Variants in ARHGAP15 observed in about 807,000 individuals in gnomAD.
ARHGAP15 encodes the protein Rho GTPase activating protein 15.
In ARHGAP15, 51 loss-of-function variants were observed where a neutral mutation model predicts 63.7. The observed-to-expected ratio is 0.80, with a 90% CI of 0.64 to 1.01. The LOEUF is 1.01. ARHGAP15 is among the 50% of genes least tolerant of loss of function. ARHGAP15 has a pLI of 0.00. For missense variants in ARHGAP15, 560 were observed against 564.6 expected (o/e 0.99, Z 0.08); for synonymous variants, 191 against 193.8 (o/e 0.99, Z 0.12).
intron 12 of ARHGAP15, among the ~76,000 whole-genome samples, chr2:143,629,260 T>C (rs554530580): frequency 6.6e-5 from 10 of 152,012 alleles, no homozygotes; most frequent in African/African-American, 2.2e-4. Context: ...ATAATACTCA[T>C]TGGGGTAACA....
At chr2:143,730,670 T>A (rs1685486834) in intron 13 of ARHGAP15, among the ~76,000 whole-genome samples, 1 of 152,058 alleles carries the variant, frequency 6.6e-6, no homozygotes. Flanking sequence ...CATGACTTGG[T>A]TCAAGGGGCT....
At chr2:143,166,005 G>GAAAGAAAGAAAGAAA (rs1553442885) in intron 2 of ARHGAP15, among the ~76,000 whole-genome samples, 6 of 39,178 alleles carry the variant, frequency 1.5e-4, no homozygotes, top group Non-Finnish European at 2.9e-4. Flanking sequence ...AAAGAAAGAA[G>GAAAGAAAGAAAGAAA]GAAGGAAGGA....
chr2:143,407,990 T>TAC, intron 6 of ARHGAP15, among the ~76,000 whole-genome samples: 1 of 28,128 alleles, frequency 3.6e-5, no homozygotes, highest in Non-Finnish European at 6.5e-5. Flanking sequence ...TGTGTGTGTA[T>TAC]ATATATATAT....
intron 6 of ARHGAP15, among the ~76,000 whole-genome samples, chr2:143,409,965 C>T (rs139489436): frequency 0.011 from 1,677 of 152,178 alleles, 14 homozygotes; most frequent in Middle Eastern, 0.031. Flanking sequence ...AGCACCCTTT[C>T]TTCCCCTATT....
chr2:143,673,503 G>A (rs939397796), intron 12 of ARHGAP15, among the ~76,000 whole-genome samples: 5 of 151,250 alleles, frequency 3.3e-5, no homozygotes, highest in Admixed American at 2.0e-4. Flanking sequence ...TCATCATGTT[G>A]GCCAGGCTGG....
intron 2 of ARHGAP15, among the ~76,000 whole-genome samples, chr2:143,183,871 G>T (rs774794857): frequency 9.2e-5 from 14 of 152,110 alleles, no homozygotes; most frequent in Non-Finnish European, 1.9e-4. Flanking sequence ...GATCAAGTTG[G>T]CATGTCAGGG....
intron 6 of ARHGAP15, among the ~76,000 whole-genome samples, chr2:143,306,882 C>T (rs1044041849): frequency 2.6e-5 from 4 of 152,080 alleles, no homozygotes; most frequent in African/African-American, 7.2e-5. Context: ...AAACAACACA[C>T]ATTTATAATT....
intron 5 of ARHGAP15, among the ~76,000 whole-genome samples, chr2:143,239,430 A>G (rs1693773727): frequency 6.6e-6 from 1 of 152,140 alleles, no homozygotes; most frequent in Non-Finnish European, 1.5e-5. Context: ...GTACTCTTTG[A>G]GCAACATCTC....
At chr2:143,330,667 T>C (rs915415370) in intron 6 of ARHGAP15, among the ~76,000 whole-genome samples, 2 of 152,212 alleles carry the variant, frequency 1.3e-5, no homozygotes, top group Non-Finnish European at 2.9e-5. Flanking sequence ...GGAATTATGA[T>C]TTCTAATTCA....
intron 6 of ARHGAP15, among the ~76,000 whole-genome samples, chr2:143,365,433 T>A (rs1296256312): frequency 6.6e-6 from 1 of 152,222 alleles, no homozygotes; most frequent in Non-Finnish European, 1.5e-5. Flanking sequence ...TGCTGCTAAC[T>A]TTCTGGTGGA....
chr2:143,640,532 G>A (rs1170969835), intron 12 of ARHGAP15, among the ~76,000 whole-genome samples: 1 of 151,960 alleles, frequency 6.6e-6, no homozygotes, highest in Non-Finnish European at 1.5e-5. Flanking sequence ...TCATCTCAGT[G>A]GCTTAAAAGT....
chr2:143,642,124 G>T (rs1041098841), intron 12 of ARHGAP15, among the ~76,000 whole-genome samples: 1 of 152,030 alleles, frequency 6.6e-6, no homozygotes, highest in African/African-American at 2.4e-5. Context: ...AAATATGTTT[G>T]TAAATATTTA....
intron 9 of ARHGAP15, among the ~76,000 whole-genome samples, chr2:143,501,667 G>A (rs1018112381): frequency 1.3e-5 from 2 of 152,132 alleles, no homozygotes; most frequent in African/African-American, 2.4e-5. Context: ...TTTGTAGTAC[G>A]AGTAAATAAT....
chr2:143,592,024 G>C (rs1697341956), intron 11 of ARHGAP15, among the ~76,000 whole-genome samples: 1 of 152,044 alleles, frequency 6.6e-6, no homozygotes, highest in Non-Finnish European at 1.5e-5. Flanking sequence ...CCATATCTCT[G>C]TTTCAAATAT....
chr2:143,179,515 A>G (rs1691140851), intron 2 of ARHGAP15, among the ~76,000 whole-genome samples: 1 of 152,214 alleles, frequency 6.6e-6, no homozygotes, highest in Admixed American at 6.5e-5. Flanking sequence ...TCATACAAAA[A>G]TTTTGATTTC....
intron 8 of ARHGAP15, among the ~76,000 whole-genome samples, chr2:143,479,937 G>C (rs1401852867): frequency 6.6e-6 from 1 of 152,020 alleles, no homozygotes; most frequent in East Asian, 1.9e-4. Flanking sequence ...ATAGTGGAAG[G>C]GAAATTAAAC....
At chr2:143,261,944 A>G (rs935318359) in intron 6 of ARHGAP15, among the ~76,000 whole-genome samples, 1 of 152,128 alleles carries the variant, frequency 6.6e-6, no homozygotes. Context: ...TTAGCTCCTG[A>G]GCCTTTGGTT....
chr2:143,680,781 A>G (rs1219932726), intron 12 of ARHGAP15, among the ~76,000 whole-genome samples: 1 of 152,206 alleles, frequency 6.6e-6, no homozygotes, highest in Non-Finnish European at 1.5e-5. Flanking sequence ...GTCAGTATAT[A>G]TTTACATAAA....
chr2:143,298,060 C>T (rs1371547429), intron 6 of ARHGAP15, among the ~76,000 whole-genome samples: 1 of 151,982 alleles, frequency 6.6e-6, no homozygotes, highest in Non-Finnish European at 1.5e-5. Context: ...ATATCATTCT[C>T]TCCAGTGGGA....
Sources: gnomAD v4.1 joint callset for allele counts (sites outside exome capture counted in the v4.1 genomes callset) on GRCh38, gnomAD v4.1.1 for gene constraint, MANE v1.5 for transcripts, NCBI Gene and HGNC (gene_info 2026-07-23, HGNC 2026-07-21) for gene names.